PGM1: variants seen among roughly 807,000 people sequenced by gnomAD.
The protein encoded by PGM1 is phosphoglucomutase-1.
In PGM1, 52 loss-of-function variants were observed where a neutral mutation model predicts 55.6. The ratio of observed to expected loss-of-function variants is 0.94; its 90% CI spans 0.75 to 1.18. PGM1 has a LOEUF of 1.18. Ranked by LOEUF, PGM1 falls within the 50% of genes most tolerant of loss-of-function variation. The probability of loss-of-function intolerance (pLI) is 0.00; values close to 1 mark genes in which losing one functional copy is unlikely to be tolerated. For missense variants in PGM1, 724 were observed against 729.3 expected (o/e 0.99, Z 0.08); for synonymous variants, 287 against 271.7 (o/e 1.06, Z -0.55).
intron 8 of PGM1, 50 bp from the exon 9 acceptor site, chr1:63,651,619 G>C (rs562024837): frequency 6.5e-7 from 1 of 1,526,914 alleles, no homozygotes; most frequent in Non-Finnish European, 9.1e-7. Flanking sequence ...GATAGGCCTT[G>C]GTGTGATCTG....
intron 1 of PGM1, among the ~76,000 whole-genome samples, chr1:63,595,185 A>G (rs902804091): frequency 2.6e-5 from 4 of 152,114 alleles, no homozygotes; most frequent in Non-Finnish European, 2.9e-5. Context: ...ATTGAGTACT[A>G]TTTGCCAAGC....
chr1:63,624,303 G>A (rs866307827), intron 1 of PGM1, among the ~76,000 whole-genome samples: 1 of 152,124 alleles, frequency 6.6e-6, no homozygotes, highest in Non-Finnish European at 1.5e-5. Context: ...CCTGTTACAG[G>A]GGCACCTGCT....
rs1649896317 is a variant in PGM1 at position 63,654,266 on chromosome 1, C to T, written c.1465-66C>T. On this transcript the variant is annotated intron_variant, in intron 9 of 10. Coordinates refer to ENST00000371084, the MANE Select transcript of PGM1 (RefSeq NM_002633.3). ...TGAAATTACATCCCCAAATAGACCC[C>T]TCATAATTTGCCAGCCTTCAGTCTC... 16 of 1,522,352 alleles carry T rather than the reference C, an allele frequency of 1.1e-5. No homozygotes were observed. The South Asian group carries it at 1.7e-4, about 16-fold the overall frequency. The allele number at this position is 1,522,352 out of a possible 1,614,324, so 94.3% of individuals were successfully genotyped here.
intron 7 of PGM1, 29 bp downstream of exon 7, chr1:63,638,829 C>T (rs1421974507): frequency 9.6e-6 from 14 of 1,462,098 alleles, no homozygotes; most frequent in East Asian, 2.3e-5. Flanking sequence ...CTAGCATTTT[C>T]CTCCCTGTAA....
rs899829580 is a variant in PGM1 at position 63,593,734 on chromosome 1, G to A, written c.246G>A (p.Gly82=). ...TCGCTCGCATCGCTGCCGCCAACGG[G>A]GTAAGGGATGCGCGGCCCCGCGCCG... ...QLIARIAAAN[G]IGRLVIGQNG... Residue 82 remains glycine, a splice_region_variant and synonymous_variant, in exon 1 of 11, where the codon GGG becomes GGA. Coordinates refer to ENST00000371084, the MANE Select transcript of PGM1 (RefSeq NM_002633.3). 7 of 1,592,738 alleles carry A rather than the reference G, an allele frequency of 4.4e-6. No homozygotes were observed. In the African/African-American group the frequency reaches 5.4e-5, roughly 12 times the overall value.
chr1:63,630,064 G>A lies in PGM1; in HGVS notation c.532G>A (p.Glu178Lys), dbSNP rs1179654030. The change falls in exon 3 of 11, where the codon GAA becomes AAA. Residue 178 changes from glutamate (E) to lysine (K), a missense_variant. By Grantham distance (56) the Glu-to-Lys change is moderately conservative. Coordinates refer to ENST00000371084, the MANE Select transcript of PGM1 (RefSeq NM_002633.3). Reference sequence around the variant, plus strand: ...TCTGGGAAAGCAGCAGTTTGACTTGGAAAATAAGTTCAAACCCTTCACAGG... The same window carrying A: ...TCTGGGAAAGCAGCAGTTTGACTTGAAAAATAAGTTCAAACCCTTCACAGG... Reference protein sequence around the residue: ...GVLGKQQFDLENKFKPFTVEI... With the variant: ...GVLGKQQFDLKNKFKPFTVEI... 7.4e-6 allele frequency: 12 copies of A among 1,613,940 alleles called. No homozygotes were observed. The highest frequency in any genetic ancestry group is 1.0e-5 in the Non-Finnish European group (12 of 1,179,948).
At chr1:63,654,290 TC>T (rs1557445201) in intron 9 of PGM1, 41 bp from the exon 10 acceptor site, 3 of 1,609,608 alleles carry the variant, frequency 1.9e-6, no homozygotes, top group Non-Finnish European at 2.5e-6. Context: ...GCCTTCAGTC[TC>T]CCAGCATTTG....
At chr1:63,618,702 G>T (rs1461158289) in intron 1 of PGM1, among the ~76,000 whole-genome samples, 3 of 152,188 alleles carry the variant, frequency 2.0e-5, no homozygotes, top group Middle Eastern at 3.4e-3. Flanking sequence ...TTGAATTGGG[G>T]TGACACCAGC....
chr1:63,613,860 A>G (rs1648635846), intron 1 of PGM1, among the ~76,000 whole-genome samples: 1 of 151,942 alleles, frequency 6.6e-6, no homozygotes, highest in Non-Finnish European at 1.5e-5. Context: ...CTTGGGATCT[A>G]TTTCCTCTTA....
At chr1:63,658,732 A>G (rs1650033543) in intron 10 of PGM1, among the ~76,000 whole-genome samples, 1 of 150,992 alleles carries the variant, frequency 6.6e-6, no homozygotes, top group East Asian at 1.9e-4. Flanking sequence ...AGCCTGGGCA[A>G]CAAGAGTGAA....
At chr1:63,594,496 G>T (rs1647979687) in intron 1 of PGM1, among the ~76,000 whole-genome samples, 1 of 151,960 alleles carries the variant, frequency 6.6e-6, no homozygotes, top group South Asian at 2.1e-4. Flanking sequence ...ACCCAAAGAC[G>T]CCCTTACGCA....
chr1:63,608,290 G>C (rs1387068314), intron 1 of PGM1, among the ~76,000 whole-genome samples: 1 of 152,216 alleles, frequency 6.6e-6, no homozygotes, highest in African/African-American at 2.4e-5. Flanking sequence ...TGGGGATACA[G>C]TTCTCTTCCA....
At chr1:63,654,519 G>A in intron 10 of PGM1, 53 bp downstream of exon 10, 2 of 1,585,358 alleles carry the variant, frequency 1.3e-6, no homozygotes, top group Admixed American at 1.7e-5. Flanking sequence ...GGGAATGATA[G>A]TTTCCCATTG....
chr1:63,623,668 C>G (rs758640593), intron 1 of PGM1: 3 of 1,612,134 alleles, frequency 1.9e-6, no homozygotes, highest in Non-Finnish European at 2.5e-6. Context: ...CCTAAAAGAT[C>G]GCCAGGGATC....
Position 63,604,954 on chromosome 1 carries a change from TGTGTG to T in PGM1, c.246+11221_246+11225del, listed in dbSNP as rs1557703425. Among the ~76,000 whole-genome samples, 411 of 139,154 alleles carry T rather than the reference TGTGTG, an allele frequency of 3.0e-3. 5 individuals carry two copies. The highest frequency in any genetic ancestry group is 0.011 in the African/African-American group (372 of 33,432). The allele number at this position is 139,154 out of a possible 152,430, so 91.3% of individuals were successfully genotyped here. On this transcript the variant is annotated intron_variant, in intron 1 of 10. Transcript: ENST00000371084. ...GTGTGTGTGTGTGTGTGTGTGTGTGTGTGTGTAAAGAGAGGGGATATAGTTGTATA... is the reference window on the plus strand; with the variant it reads ...GTGTGTGTGTGTGTGTGTGTGTGTGTTAAAGAGAGGGGATATAGTTGTATA...
chr1:63,621,418 G>A (rs527765341), intron 1 of PGM1, among the ~76,000 whole-genome samples: 1 of 152,248 alleles, frequency 6.6e-6, no homozygotes, highest in African/African-American at 2.4e-5. Flanking sequence ...CAATTATGTG[G>A]TTGGCTGCTC....
At chr1:63,644,496 G>A (rs1000955491) in intron 7 of PGM1, among the ~76,000 whole-genome samples, 5 of 152,146 alleles carry the variant, frequency 3.3e-5, no homozygotes, top group African/African-American at 9.7e-5. Context: ...AGCATATTAG[G>A]TTATATTCTT....
intron 3 of PGM1, 133 bp downstream of exon 3, chr1:63,630,221 G>A: frequency 4.2e-6 from 4 of 949,868 alleles, no homozygotes; most frequent in Non-Finnish European, 3.4e-6. Flanking sequence ...GCAAGTGTTA[G>A]TTAATTAACA....
chr1:63,606,283 C>G (rs1648414642), intron 1 of PGM1, among the ~76,000 whole-genome samples: 1 of 152,206 alleles, frequency 6.6e-6, no homozygotes, highest in South Asian at 2.1e-4. Context: ...TGTTTTGGTA[C>G]AGAATACCAA....
Sources: gnomAD v4.1 joint callset for allele counts (sites outside exome capture counted in the v4.1 genomes callset) on GRCh38, gnomAD v4.1.1 for gene constraint, MANE v1.5 for transcripts, NCBI Gene and HGNC (gene_info 2026-07-23, HGNC 2026-07-21) for gene names.